ACKR5: variants seen among roughly 807,000 people sequenced by gnomAD.
ACKR5 encodes atypical chemokine receptor 5.
chr12:56,997,122 C>T, the ACKR5 span: 8 of 152,480 alleles, frequency 5.2e-5, no homozygotes, highest in South Asian at 1.2e-3. Context: ...CGTTGTCCAT[C>T]CTGCTCCCTC....
the ACKR5 span, chr12:56,998,013 T>C: frequency 1.3e-5 from 2 of 152,204 alleles, 1 homozygote; most frequent in Non-Finnish European, 2.9e-5. Context: ...GGTTGTGGCT[T>C]GGGTCGCAGT....
chr12:56,998,644 G>T, the ACKR5 span, among the ~76,000 whole-genome samples: 4 of 152,182 alleles, frequency 2.6e-5, no homozygotes, highest in Non-Finnish European at 5.9e-5. Flanking sequence ...TTGAGTCTTT[G>T]ACTTAATTTC....
chr12:56,996,551 C>T, the ACKR5 span: 1 of 794,290 alleles, frequency 1.3e-6, no homozygotes, highest in Non-Finnish European at 2.0e-6. Flanking sequence ...TCTTAAAATA[C>T]TGAGGTGTGG....
the ACKR5 span, chr12:56,996,365 C>T: frequency 2.5e-6 from 4 of 1,612,548 alleles, no homozygotes; most frequent in Non-Finnish European, 3.4e-6. Flanking sequence ...CTTTCAGGCA[C>T]ACCATTTGCT....
At chr12:56,996,428 A>G in the ACKR5 span, 4 of 1,570,782 alleles carry the variant, frequency 2.5e-6, no homozygotes, top group South Asian at 3.7e-5. Context: ...CAGCTGAGGT[A>G]GAGGCCAGAC....
the ACKR5 span, among the ~76,000 whole-genome samples, chr12:56,994,898 G>C: frequency 6.6e-6 from 1 of 151,502 alleles, no homozygotes; most frequent in Non-Finnish European, 1.5e-5. Context: ...GTGGGTGTGG[G>C]GGGATTGAGG....
the ACKR5 span, chr12:56,996,427 T>TA: frequency 2.5e-6 from 4 of 1,570,646 alleles, no homozygotes; most frequent in Non-Finnish European, 3.5e-6. Context: ...CCAGCTGAGG[T>TA]AGAGGCCAGA....
chr12:56,995,189 A>C, the ACKR5 span: 1 of 1,600,140 alleles, frequency 6.2e-7, no homozygotes, highest in Non-Finnish European at 8.5e-7. The surrounding 1 kb of genome is among the most constrained non-coding windows in gnomAD (Gnocchi z 4.7). Context: ...CCTTCATCCC[A>C]ATAGGCGTGT....
the ACKR5 span, chr12:56,996,491 G>A: frequency 1.5e-5 from 21 of 1,444,756 alleles, no homozygotes; most frequent in Non-Finnish European, 2.0e-5. Flanking sequence ...GGGAGATTTG[G>A]GGGGATGTAG....
chr12:56,998,764 A>G, the ACKR5 span: 2 of 152,656 alleles, frequency 1.3e-5, no homozygotes, highest in Admixed American at 1.3e-4. Flanking sequence ...GTGCTGCTGA[A>G]AGGGTGATGA....
At chr12:56,996,018 G>A in the ACKR5 span, 2 of 1,610,272 alleles carry the variant, frequency 1.2e-6, no homozygotes, top group South Asian at 1.1e-5. Context: ...TTTGTCATGT[G>A]CTGGCTGCCC....
At chr12:56,997,583 A>G in the ACKR5 span, 19 of 152,340 alleles carry the variant, frequency 1.2e-4, no homozygotes, top group African/African-American at 4.6e-4. Flanking sequence ...TATGTTTGGG[A>G]GACTAGGACC....
the ACKR5 span, chr12:56,996,199 G>A: frequency 1.9e-6 from 3 of 1,614,054 alleles, no homozygotes; most frequent in Non-Finnish European, 1.7e-6. Flanking sequence ...TCCGGGGCCG[G>A]CTCCTGAATG....
the ACKR5 span, chr12:56,994,757 C>CGT: frequency 4.0e-4 from 70 of 176,954 alleles, 1 homozygote; most frequent in South Asian, 5.9e-3. Context: ...GTGTGGTGTG[C>CGT]GTGTGTGTGT....
the ACKR5 span, chr12:56,996,701 A>C: frequency 2.7e-6 from 1 of 365,748 alleles, no homozygotes; most frequent in Non-Finnish European, 5.0e-6. Context: ...GATCTTTTAA[A>C]AATCTGCACT....
the ACKR5 span, chr12:56,994,727 T>C: frequency 6.1e-6 from 1 of 163,594 alleles, no homozygotes; most frequent in Non-Finnish European, 1.4e-5. Flanking sequence ...CCACAGGTTT[T>C]CCTAGGGATG....
chr12:56,998,066 T>A, the ACKR5 span: 3 of 152,344 alleles, frequency 2.0e-5, no homozygotes, highest in African/African-American at 7.2e-5. Context: ...TGAAAAAGAC[T>A]TTCCTCTCTT....
chr12:56,997,316 TTGGGACAGCCAGCAGCAGG>T, the ACKR5 span: 1 of 152,234 alleles, frequency 6.6e-6, no homozygotes, highest in African/African-American at 2.4e-5. Context: ...GGAGCAGCCC[TTGGGACAGCCAGCAGCAGG>T]TGCTGGCAGA....
chr12:56,998,410 G>GT, the ACKR5 span: 1 of 152,256 alleles, frequency 6.6e-6, no homozygotes, highest in East Asian at 1.9e-4. Context: ...ATTCACGCAT[G>GT]TATCAACCTC....
Sources: allele counts gnomAD v4.1 joint callset (sites outside exome capture counted in the v4.1 genomes callset), GRCh38; gene constraint gnomAD v4.1.1; non-coding constraint Gnocchi (gnomAD v3.1); transcripts MANE v1.5; gene names NCBI Gene and HGNC (gene_info 2026-07-23, HGNC 2026-07-21).